The following ZNF280D variants were observed in gnomAD, a reference collection of about 807,000 sequenced individuals.
The protein encoded by ZNF280D is suppressor of hairy wing homolog 4.
A neutral mutation model predicts 94.7 loss-of-function variants in ZNF280D; 39 were observed. The observed-to-expected ratio is 0.41, with a 90% CI of 0.32 to 0.54. ZNF280D has a LOEUF of 0.54. Among genes scored for constraint, ZNF280D ranks in the 20% least tolerant of loss-of-function variants. The pLI, the probability that ZNF280D is intolerant of heterozygous loss-of-function variation, is 0.22. For synonymous variants in ZNF280D, 398 were observed against 377.6 expected (o/e 1.05, Z -0.63); for missense variants, 1,090 against 1,149.3 (o/e 0.95, Z 0.75).
rs771664609 is a variant in ZNF280D at position 56,701,204 on chromosome 15, T to G, written c.210A>C (p.Ser70=). Residue 70 remains serine (S), a synonymous_variant, in exon 5 of 22, where the codon TCA becomes TCC. Coordinates refer to ENST00000267807, the MANE Select transcript of ZNF280D (RefSeq NM_017661.4). The stretch of plus-strand genomic sequence containing the variant: ...TGAGTGCACCATTCTTTAGTCCCCT[T>G]GAATATGAGCTGGGGTTAACTCTGT... ...ILNRVNPSSY[S]RGLKNGALSR... The G allele has an allele frequency of 3.8e-6, 6 of 1,587,202 alleles. No homozygotes were observed. Among genetic ancestry groups the G allele is most frequent in the Middle Eastern group, 4.2e-4 (2 of 4,818 alleles).
chr15:56,658,762 G>A (rs1400945164), intron 16 of ZNF280D, among the ~76,000 whole-genome samples: 1 of 152,094 alleles, frequency 6.6e-6, no homozygotes, highest in African/African-American at 2.4e-5. Context: ...TGAGAATTAA[G>A]AAAATGTAAA....
chr15:56,686,913 T>G (rs540705411), intron 9 of ZNF280D, among the ~76,000 whole-genome samples: 6 of 152,138 alleles, frequency 3.9e-5, no homozygotes, highest in Non-Finnish European at 7.4e-5. Context: ...TAGTCTCAGA[T>G]AAGTATATTT....
chr15:56,700,734 G>C, intron 6 of ZNF280D, 199 bp downstream of exon 6: 1 of 1,471,380 alleles, frequency 6.8e-7, no homozygotes. Flanking sequence ...TTATTAACAG[G>C]TTGGGTAGTT....
chr15:56,682,560 C>T, intron 9 of ZNF280D, 83 bp from the exon 10 acceptor site: 4 of 845,606 alleles, frequency 4.7e-6, no homozygotes, highest in Non-Finnish European at 5.3e-6. Flanking sequence ...TGTGTGTTTA[C>T]ACCTAAGGCC....
intron 14 of ZNF280D, among the ~76,000 whole-genome samples, chr15:56,667,710 T>C (rs1257033668): frequency 6.6e-6 from 1 of 152,152 alleles, no homozygotes; most frequent in Non-Finnish European, 1.5e-5. Context: ...ATGACATACA[T>C]GTGCTTGGGT....
intron 1 of ZNF280D, among the ~76,000 whole-genome samples, chr15:56,728,830 T>C (rs1409095524): frequency 6.6e-6 from 1 of 152,206 alleles, no homozygotes; most frequent in African/African-American, 2.4e-5. Context: ...CATGAGATAC[T>C]CAACACTTTA....
At chr15:56,652,181 T>G (rs1454720108) in intron 19 of ZNF280D, among the ~76,000 whole-genome samples, 1 of 152,170 alleles carries the variant, frequency 6.6e-6, no homozygotes, top group Non-Finnish European at 1.5e-5. Context: ...TTTTGATAAT[T>G]AATTGCAAGA....
intron 11 of ZNF280D, among the ~76,000 whole-genome samples, chr15:56,677,956 A>G (rs1174855970): frequency 3.3e-5 from 5 of 151,780 alleles, no homozygotes; most frequent in East Asian, 3.9e-4. Flanking sequence ...TAAGAGGCAG[A>G]TCTGAGATTT....
At chr15:56,692,309 A>C (rs1410241026) in intron 7 of ZNF280D, among the ~76,000 whole-genome samples, 2 of 152,176 alleles carry the variant, frequency 1.3e-5, no homozygotes, top group South Asian at 2.1e-4. Context: ...TTAAAAAAAA[A>C]CTGGGAGAGG....
chr15:56,683,107 AT>A (rs1474634056), intron 9 of ZNF280D, among the ~76,000 whole-genome samples: 1 of 152,036 alleles, frequency 6.6e-6, no homozygotes, highest in Admixed American at 6.6e-5. Context: ...CTGTTTTTCT[AT>A]TTTTTTAACA....
rs1187625512 is a variant in ZNF280D at position 56,666,967 on chromosome 15, A to G, written c.1565T>C (p.Val522Ala). The change falls in exon 15 of 22, where the codon GTT becomes GCT. Residue 522 changes from valine (V) to alanine (A), a missense_variant. Physicochemically the swap from Val to Ala is moderately conservative, Grantham distance 64. Coordinates refer to ENST00000267807, the MANE Select transcript of ZNF280D (RefSeq NM_017661.4). ...TGAAGCTCCTGATTGCAGAGGTCCA[A>G]CTGAAGCTCGAATAGTAACCTACAA... is the stretch of plus-strand genomic sequence containing the variant. ...PGTKVTIRAS[V>A]GPLQSGASPT... 1.2e-6 allele frequency: 2 copies of G among 1,601,978 alleles called. No individual in the cohort carries two copies. Among genetic ancestry groups the G allele is most frequent in the Non-Finnish European group, 1.7e-6 (2 of 1,174,452 alleles).
At chr15:56,725,653 C>G (rs1210703883) in intron 1 of ZNF280D, among the ~76,000 whole-genome samples, 2 of 151,840 alleles carry the variant, frequency 1.3e-5, no homozygotes, top group Non-Finnish European at 2.9e-5. Flanking sequence ...GTCTCAAGCC[C>G]AAGACCACAT....
At chr15:56,702,890 A>T (rs1473068146) in intron 4 of ZNF280D, among the ~76,000 whole-genome samples, 2 of 146,996 alleles carry the variant, frequency 1.4e-5, no homozygotes, top group African/African-American at 5.0e-5. Context: ...TCACACTTTT[A>T]AGCACTACCA....
At position 56,631,775 on chromosome 15, in the gene ZNF280D, G is replaced by A. The variant is rs2052086247; in HGVS notation, c.2663C>T (p.Ser888Leu). 2 of 1,614,132 alleles carry A rather than the reference G, an allele frequency of 1.2e-6. No individual in the cohort carries two copies. Among genetic ancestry groups the A allele is most frequent in the South Asian group, 2.2e-5 (2 of 91,082 alleles). Residue 888 changes from serine to leucine, a missense_variant, in exon 22 of 22, where the codon TCA becomes TTA. Physicochemically the swap from Ser to Leu is moderately radical, Grantham distance 145. This residue lies in a region of ZNF280D where 577 missense variants were observed against 568.8 expected (regional missense o/e 1.01). Transcript: ENST00000267807. ...SKNIKDLRLA[S>L]DNVSIDQFLR... ...AAACTGATCAATGCTTACATTATCT[G>A]ATGCTAATCGCAAATCCTTAATATT...
intron 13 of ZNF280D, among the ~76,000 whole-genome samples, chr15:56,669,882 TATATATTATATATATATATA>T (rs1309152812): frequency 0.024 from 203 of 8,362 alleles, 36 homozygotes; most frequent in African/African-American, 0.051. Context: ...TTTATATATA[TATATATTATATATATATATA>T]ATATATATAT....
At chr15:56,685,341 A>AAAAACAAAACAAAACAAAAC (rs10633210) in intron 9 of ZNF280D, among the ~76,000 whole-genome samples, 4,988 of 150,390 alleles carry the variant, frequency 0.033, 292 homozygotes, top group Admixed American at 0.15. Flanking sequence ...CATAAGGTAA[A>AAAAACAAAACAAAACAAAAC]AAAACAAAAC....
intron 20 of ZNF280D, among the ~76,000 whole-genome samples, chr15:56,642,499 G>C (rs1022632895): frequency 6.6e-6 from 1 of 151,736 alleles, no homozygotes; most frequent in Admixed American, 6.6e-5. Context: ...TGATAATTCT[G>C]AGTTCTGCAT....
chr15:56,637,414 C>T (rs368297822), intron 20 of ZNF280D, among the ~76,000 whole-genome samples: 8 of 151,892 alleles, frequency 5.3e-5, no homozygotes, highest in East Asian at 3.9e-4. Flanking sequence ...CTCCCAGCCT[C>T]AAGGGATCCT....
chr15:56,675,494 T>G (rs1449843751), intron 13 of ZNF280D, among the ~76,000 whole-genome samples: 1 of 151,756 alleles, frequency 6.6e-6, no homozygotes, highest in Non-Finnish European at 1.5e-5. Context: ...CAAGAATAAA[T>G]AAATATCTGT....
Sources: allele counts gnomAD v4.1 joint callset (sites outside exome capture counted in the v4.1 genomes callset), GRCh38; gene constraint gnomAD v4.1.1; regional missense constraint gnomAD v4.1.1; transcripts MANE v1.5; gene names NCBI Gene and HGNC (gene_info 2026-07-23, HGNC 2026-07-21).